The following ACTR3C variants were observed in gnomAD, a reference collection of about 807,000 sequenced individuals.
ACTR3C encodes the protein actin related protein 3C, also known as actin-related protein 3C.
A neutral mutation model predicts 26.3 loss-of-function variants in ACTR3C; 18 were observed. The ratio of observed to expected loss-of-function variants is 0.68; its 90% CI spans 0.47 to 1.01. ACTR3C has a LOEUF of 1.01. Among genes scored for constraint, ACTR3C ranks in the 50% least tolerant of loss-of-function variants. ACTR3C has a pLI of 0.00. For missense variants in ACTR3C, 184 were observed against 250.7 expected (o/e 0.73, Z 1.80); for synonymous variants, 55 against 94.5 (o/e 0.58, Z 2.42).
chr7:150,224,579 G>A, the ACTR3C span, among the ~76,000 whole-genome samples: 3,691 of 152,352 alleles, frequency 0.024, 83 homozygotes, highest in East Asian at 0.081. Context: ...GAGGACAAAG[G>A]AGTTGCTGCT....
the ACTR3C span, among the ~76,000 whole-genome samples, chr7:149,970,628 C>A: frequency 6.6e-6 from 1 of 152,126 alleles, no homozygotes; most frequent in Non-Finnish European, 1.5e-5. Flanking sequence ...GGTCGATTTC[C>A]CCTTATGTCA....
the ACTR3C span, among the ~76,000 whole-genome samples, chr7:149,983,805 G>GA: frequency 6.6e-6 from 1 of 152,098 alleles, no homozygotes. Context: ...TAATACAGCA[G>GA]AAAATCCTGC....
At chr7:149,938,840 G>T in the ACTR3C span, among the ~76,000 whole-genome samples, 1 of 150,518 alleles carries the variant, frequency 6.6e-6, no homozygotes, top group Non-Finnish European at 1.5e-5. Context: ...GGTGAAATTG[G>T]GTGAAAAGTA....
the ACTR3C span, among the ~76,000 whole-genome samples, chr7:150,122,017 T>C: frequency 6.6e-6 from 1 of 152,018 alleles, no homozygotes; most frequent in African/African-American, 2.4e-5. Context: ...GGGAAAACTG[T>C]CTAGCCATAT....
At chr7:149,955,170 CTG>C in the ACTR3C span, among the ~76,000 whole-genome samples, 1 of 152,228 alleles carries the variant, frequency 6.6e-6, no homozygotes, top group East Asian at 1.9e-4. Context: ...CTAGGTAAAA[CTG>C]TAACTGCTTC....
At chr7:150,158,746 A>G in the ACTR3C span, among the ~76,000 whole-genome samples, 1 of 152,220 alleles carries the variant, frequency 6.6e-6, no homozygotes, top group South Asian at 2.1e-4. Context: ...TGTATTGTGT[A>G]CTTGGAATTT....
chr7:150,284,377 C>T (rs1347128262), intron 6 of ACTR3C, among the ~76,000 whole-genome samples: 2 of 152,080 alleles, frequency 1.3e-5, no homozygotes, highest in Non-Finnish European at 2.9e-5. Flanking sequence ...ACCATCTCTA[C>T]TGAAACACAC....
the ACTR3C span, among the ~76,000 whole-genome samples, chr7:150,118,740 C>A: frequency 7.1e-6 from 1 of 140,780 alleles, no homozygotes; most frequent in Non-Finnish European, 1.5e-5. Flanking sequence ...GAGAACACCA[C>A]AAAGATTCTC....
At chr7:150,152,765 G>A in the ACTR3C span, among the ~76,000 whole-genome samples, 1 of 152,012 alleles carries the variant, frequency 6.6e-6, no homozygotes, top group African/African-American at 2.4e-5. Flanking sequence ...AATCCATCTG[G>A]TCCTGGACTC....
the ACTR3C span, among the ~76,000 whole-genome samples, chr7:150,082,520 T>C: frequency 1.3e-5 from 2 of 152,272 alleles, no homozygotes; most frequent in East Asian, 1.9e-4. Flanking sequence ...ATAGGGGGCC[T>C]CGTGGTGGCC....
chr7:150,206,718 G>T, the ACTR3C span, among the ~76,000 whole-genome samples: 1 of 152,188 alleles, frequency 6.6e-6, no homozygotes, highest in Non-Finnish European at 1.5e-5. Context: ...CACCGCACCA[G>T]GCGGGTAGAG....
chr7:150,142,150 T>C, the ACTR3C span, among the ~76,000 whole-genome samples: 1 of 152,218 alleles, frequency 6.6e-6, no homozygotes, highest in African/African-American at 2.4e-5. Context: ...CCTCGGCTCT[T>C]GGCTCGACCT....
the ACTR3C span, among the ~76,000 whole-genome samples, chr7:150,169,108 A>G: frequency 1.1e-4 from 17 of 150,518 alleles, no homozygotes; most frequent in South Asian, 8.3e-4. Context: ...GGGGCTGGGC[A>G]CGGTGGCTCA....
At chr7:150,198,657 C>T in the ACTR3C span, among the ~76,000 whole-genome samples, 1 of 149,292 alleles carries the variant, frequency 6.7e-6, no homozygotes, top group East Asian at 2.0e-4. Flanking sequence ...GCAGCTGCCC[C>T]GTCTGAGAAG....
At chr7:150,184,346 A>T in the ACTR3C span, among the ~76,000 whole-genome samples, 1 of 150,840 alleles carries the variant, frequency 6.6e-6, no homozygotes, top group Non-Finnish European at 1.5e-5. Context: ...GGTCTATACA[A>T]GTATCGCACA....
At chr7:150,197,729 TC>T in the ACTR3C span, among the ~76,000 whole-genome samples, 1 of 152,228 alleles carries the variant, frequency 6.6e-6, no homozygotes, top group South Asian at 2.1e-4. Flanking sequence ...GATTACATTT[TC>T]CTCCAAACTA....
At chr7:150,106,153 C>T in the ACTR3C span, among the ~76,000 whole-genome samples, 2 of 151,750 alleles carry the variant, frequency 1.3e-5, no homozygotes, top group Admixed American at 1.3e-4. Flanking sequence ...AAGTCTAAAT[C>T]CACTGTTGTT....
the ACTR3C span, chr7:150,004,614 G>A: frequency 6.6e-6 from 1 of 151,682 alleles, no homozygotes; most frequent in Non-Finnish European, 1.5e-5. Context: ...AGCAACCTAC[G>A]GTGGGAAAAC....
chr7:150,107,317 T>G, the ACTR3C span, among the ~76,000 whole-genome samples: 1 of 151,632 alleles, frequency 6.6e-6, no homozygotes, highest in Non-Finnish European at 1.5e-5. Flanking sequence ...GAAATAAAAT[T>G]TAAATGAATA....
Sources: allele counts gnomAD v4.1 joint callset (sites outside exome capture counted in the v4.1 genomes callset), GRCh38; gene constraint gnomAD v4.1.1; transcripts MANE v1.5; gene names NCBI Gene and HGNC (gene_info 2026-07-23, HGNC 2026-07-21).